The following MAPK4 variants were observed in gnomAD, a reference collection of about 807,000 sequenced individuals.
MAPK4 encodes the protein Erk3-related.
A neutral mutation model predicts 47.7 loss-of-function variants in MAPK4; 22 were observed. The observed-to-expected ratio is 0.46, with a 90% CI of 0.33 to 0.66. The LOEUF (loss-of-function observed/expected upper bound fraction) is 0.66, where lower values mean the gene tolerates loss of function less well. Ranked by LOEUF, MAPK4 falls within the 30% of genes least tolerant of loss-of-function variation. MAPK4 has a pLI of 0.02. For synonymous variants in MAPK4, 390 were observed against 365.7 expected, an observed-to-expected ratio of 1.07 and a Z score of -0.76; for missense variants, 736 against 831.7, an observed-to-expected ratio of 0.88 and a Z score of 1.42.
intron 1 of MAPK4, chr18:50,560,655 G>A (rs141297063): frequency 1.2e-3 from 182 of 152,680 alleles, no homozygotes; most frequent in Admixed American, 5.7e-3. Flanking sequence ...TTCAGATTCG[G>A]ATCGCAGTCC....
At chr18:50,656,281 G>A (rs914266812) in intron 1 of MAPK4, among the ~76,000 whole-genome samples, 12 of 152,168 alleles carry the variant, frequency 7.9e-5, no homozygotes, top group Admixed American at 3.9e-4. Flanking sequence ...CCTCTGACTC[G>A]AGGTGTCCTG....
intron 1 of MAPK4, among the ~76,000 whole-genome samples, chr18:50,568,040 C>G (rs1457840433): frequency 2.0e-5 from 3 of 151,518 alleles, no homozygotes; most frequent in African/African-American, 7.3e-5. Context: ...ACTAAAAATA[C>G]AAAAAATTAG....
Sources: allele counts gnomAD v4.1 joint callset (sites outside exome capture counted in the v4.1 genomes callset), GRCh38; gene constraint gnomAD v4.1.1; transcripts MANE v1.5; gene names NCBI Gene and HGNC (gene_info 2026-07-23, HGNC 2026-07-21).